The following ADCY9 variants were observed in gnomAD, a reference collection of about 807,000 sequenced individuals.
ADCY9 encodes the protein adenylate cyclase 9, also known as adenylate cyclase type 9.
ADCY9 carries 50 observed loss-of-function variants against 101.5 expected under a neutral mutation model. The ratio of observed to expected loss-of-function variants is 0.49; its 90% CI spans 0.39 to 0.62. ADCY9 has a LOEUF of 0.62. Among genes scored for constraint, ADCY9 ranks in the 20% least tolerant of loss-of-function variants. The pLI is 0.00. For missense variants in ADCY9, 1,662 were observed against 1,800.4 expected, an observed-to-expected ratio of 0.92 and a Z score of 1.39; for synonymous variants, 905 against 769.3, an observed-to-expected ratio of 1.18 and a Z score of -2.92.
At chr16:4,045,594 TAAAAAAAA>T (rs545715002) in intron 2 of ADCY9, among the ~76,000 whole-genome samples, 39 of 64,962 alleles carry the variant, frequency 6.0e-4, no homozygotes, top group African/African-American at 9.6e-4. Context: ...GACTCTGCCT[TAAAAAAAA>T]AAAAAAAAAA....
At chr16:4,033,212 G>A (rs779718669) in intron 2 of ADCY9, among the ~76,000 whole-genome samples, 13 of 152,124 alleles carry the variant, frequency 8.5e-5, no homozygotes, top group Non-Finnish European at 1.0e-4. Context: ...ACTCTCATAA[G>A]TTTTGGTCCT....
chr16:4,003,640 C>G (rs1193177356), intron 3 of ADCY9, among the ~76,000 whole-genome samples: 1 of 148,964 alleles, frequency 6.7e-6, no homozygotes, highest in Non-Finnish European at 1.5e-5. Context: ...TCACAGCTCA[C>G]TGCAGCCTCT....
chr16:4,068,164 C>G (rs951051993), intron 2 of ADCY9, among the ~76,000 whole-genome samples: 30 of 152,116 alleles, frequency 2.0e-4, no homozygotes, highest in African/African-American at 7.0e-4. Flanking sequence ...CCCACCTGCA[C>G]CCCTTTACAG....
intron 2 of ADCY9, among the ~76,000 whole-genome samples, chr16:4,048,993 T>A (rs143563128): frequency 7.8e-4 from 118 of 152,040 alleles, no homozygotes; most frequent in African/African-American, 2.8e-3. Flanking sequence ...CGACCAAGGG[T>A]CAGTCATGGT....
At chr16:4,096,983 A>T (rs938141779) in intron 2 of ADCY9, among the ~76,000 whole-genome samples, 7 of 152,220 alleles carry the variant, frequency 4.6e-5, no homozygotes, top group African/African-American at 1.7e-4. Flanking sequence ...AGAAACAGGC[A>T]TGCTGGTTTT....
chr16:4,036,838 T>A (rs184105682), intron 2 of ADCY9, among the ~76,000 whole-genome samples: 1 of 152,188 alleles, frequency 6.6e-6, no homozygotes, highest in East Asian at 1.9e-4. Context: ...TTGAACTTAT[T>A]CCTTCTACGT....
intron 2 of ADCY9, among the ~76,000 whole-genome samples, chr16:4,016,052 T>A (rs556411443): frequency 2.0e-5 from 3 of 151,964 alleles, no homozygotes; most frequent in African/African-American, 7.2e-5. Flanking sequence ...ATTAAATGAG[T>A]TGATTCAGGT....
chr16:4,010,632 A>G (rs953531292), intron 2 of ADCY9, among the ~76,000 whole-genome samples: 1 of 152,198 alleles, frequency 6.6e-6, no homozygotes, highest in Non-Finnish European at 1.5e-5. Context: ...AAGAGGGGCC[A>G]AGAGGACAAG....
intron 2 of ADCY9, among the ~76,000 whole-genome samples, chr16:4,076,067 G>A (rs911406504): frequency 6.6e-6 from 1 of 152,180 alleles, no homozygotes; most frequent in African/African-American, 2.4e-5. Context: ...CGTAGCACAT[G>A]CCTGTGGTCC....
At chr16:3,986,094 G>T (rs2056190643) in intron 6 of ADCY9, among the ~76,000 whole-genome samples, 1 of 152,260 alleles carries the variant, frequency 6.6e-6, no homozygotes, top group Non-Finnish European at 1.5e-5. Context: ...CATCATCAGA[G>T]CACAGGCTCT....
chr16:3,986,646 C>T (rs998163674), intron 6 of ADCY9, among the ~76,000 whole-genome samples: 75 of 152,192 alleles, frequency 4.9e-4, no homozygotes, highest in Middle Eastern at 6.8e-3. Flanking sequence ...TTAGTAGAGA[C>T]GGGGTTTCAC....
At chr16:4,056,232 G>A (rs1246020872) in intron 2 of ADCY9, among the ~76,000 whole-genome samples, 1 of 152,186 alleles carries the variant, frequency 6.6e-6, no homozygotes, top group Non-Finnish European at 1.5e-5. Flanking sequence ...GCAAAATGCT[G>A]TGGCTTCAAA....
intron 2 of ADCY9, among the ~76,000 whole-genome samples, chr16:4,020,559 C>G (rs1397662912): frequency 6.6e-6 from 1 of 152,110 alleles, no homozygotes; most frequent in Non-Finnish European, 1.5e-5. Context: ...TGGTGGCTCA[C>G]GTCTGTAATC....
rs2056687454 is a variant in ADCY9 at position 4,049,562 on chromosome 16, C to A, written c.1694-42004G>T. 2.0e-5 allele frequency among the ~76,000 whole-genome samples: 3 copies of A among 152,156 alleles called. 1 individual carries two copies. In the South Asian group the frequency reaches 6.2e-4, roughly 32 times the overall value. On this transcript the variant is annotated intron_variant, in intron 2 of 10. Transcript: ENST00000294016. ...TTTCTAACATACTTCTGAGCCGAAA[C>A]CACGTGAAAAGATTTTTCTTCTGAC...
At chr16:3,983,888 G>C (rs2056168144) in intron 6 of ADCY9, 1 of 160,198 alleles carries the variant, frequency 6.2e-6, no homozygotes, top group South Asian at 1.8e-4. Flanking sequence ...TCATGCCACT[G>C]CACTCCAGCC....
At chr16:4,073,376 C>T (rs573429939) in intron 2 of ADCY9, among the ~76,000 whole-genome samples, 7 of 151,560 alleles carry the variant, frequency 4.6e-5, no homozygotes, top group Non-Finnish European at 7.4e-5. Flanking sequence ...CATGAGTCAC[C>T]GCACCCAGCC....
chr16:3,955,992 A>G (rs1002004938), intron 5 of ADCY9, among the ~76,000 whole-genome samples: 6 of 152,158 alleles, frequency 3.9e-5, no homozygotes, highest in South Asian at 2.1e-4. Flanking sequence ...CCTCCCAAGT[A>G]GCTGGGATCA....
chr16:3,985,170 TCTGG>T (rs1344397496), intron 6 of ADCY9, among the ~76,000 whole-genome samples: 3 of 148,728 alleles, frequency 2.0e-5, no homozygotes, highest in Non-Finnish European at 4.5e-5. Flanking sequence ...TGAGATGGGA[TCTGG>T]CTGTCGCCAG....
At chr16:3,979,382 G>A (rs989762747) in intron 7 of ADCY9, 107 bp from the exon 8 acceptor site, 4 of 1,355,936 alleles carry the variant, frequency 2.9e-6, no homozygotes, top group African/African-American at 2.9e-5. Flanking sequence ...TCTCTCCCGT[G>A]TTGCCCCTGG....
Sources: gnomAD v4.1 joint callset for allele counts (sites outside exome capture counted in the v4.1 genomes callset) on GRCh38, gnomAD v4.1.1 for gene constraint, MANE v1.5 for transcripts, NCBI Gene and HGNC (gene_info 2026-07-23, HGNC 2026-07-21) for gene names.